The following RAPGEF2 variants were observed in gnomAD, a reference collection of about 807,000 sequenced individuals.
RAPGEF2 encodes the protein PDZ domain containing guanine nucleotide exchange factor (GEF) 1.
RAPGEF2 carries 54 observed loss-of-function variants against 186.7 expected under a neutral mutation model. That is an observed-to-expected ratio of 0.29 (90% confidence interval 0.23 to 0.36). RAPGEF2 has a LOEUF of 0.36. Among genes scored for constraint, RAPGEF2 ranks in the 10% least tolerant of loss-of-function variants. The probability of loss-of-function intolerance (pLI) is 1.00; values close to 1 mark genes in which losing one functional copy is unlikely to be tolerated. For missense variants in RAPGEF2, 1,532 were observed against 2,045.0 expected, an observed-to-expected ratio of 0.75 and a Z score of 4.84; for synonymous variants, 712 against 705.9, an observed-to-expected ratio of 1.01 and a Z score of -0.14.
intron 7 of RAPGEF2, among the ~76,000 whole-genome samples, chr4:159,260,799 A>C (rs868376681): frequency 1.1e-4 from 17 of 152,136 alleles, no homozygotes; most frequent in African/African-American, 3.4e-4. Context: ...CCCAGGCTGG[A>C]GTGCAATGGC....
At chr4:159,191,035 G>A (rs1274734284) in intron 2 of RAPGEF2, among the ~76,000 whole-genome samples, 1 of 152,188 alleles carries the variant, frequency 6.6e-6, no homozygotes, top group East Asian at 1.9e-4. Context: ...GCCGTGATGA[G>A]AGATCAGGTC....
intron 4 of RAPGEF2, among the ~76,000 whole-genome samples, chr4:159,211,718 C>T (rs1056381240): frequency 1.3e-5 from 2 of 152,176 alleles, no homozygotes; most frequent in Non-Finnish European, 2.9e-5. Flanking sequence ...GCCAGAGGCA[C>T]GTTGCATTTA....
intron 7 of RAPGEF2, among the ~76,000 whole-genome samples, chr4:159,269,614 C>G (rs1757857082): frequency 6.6e-6 from 1 of 152,106 alleles, no homozygotes; most frequent in Non-Finnish European, 1.5e-5. Flanking sequence ...AAAAATTAAA[C>G]CCCAGGCTTT....
chr4:159,214,910 T>G, intron 4 of RAPGEF2, among the ~76,000 whole-genome samples: 1 of 152,362 alleles, frequency 6.6e-6, no homozygotes, highest in Non-Finnish European at 1.5e-5. Flanking sequence ...TTGTCCAGGC[T>G]GGAGTGTAGT....
intron 7 of RAPGEF2, among the ~76,000 whole-genome samples, chr4:159,287,848 T>C (rs77344495): frequency 0.025 from 3,848 of 152,270 alleles, 70 homozygotes; most frequent in Non-Finnish European, 0.037. Flanking sequence ...TCTCTTGATA[T>C]CGGTTCCTAC....
At chr4:159,253,840 C>T (rs1201108239) in intron 7 of RAPGEF2, among the ~76,000 whole-genome samples, 1 of 151,822 alleles carries the variant, frequency 6.6e-6, no homozygotes, top group African/African-American at 2.4e-5. Flanking sequence ...TGGTGGTGGG[C>T]GCCTGTAGTC....
At position 159,288,096 on chromosome 4, in the gene RAPGEF2, T is replaced by TA. The variant is rs1760741340; in HGVS notation, c.544-16243dup. Among the ~76,000 whole-genome samples the TA allele has an allele frequency of 2.6e-5, 4 of 152,354 alleles. No individual in the cohort carries two copies. The South Asian group carries it at 8.3e-4, about 32-fold the overall frequency. The stretch of plus-strand genomic sequence containing the variant: ...AGAATTTAAAATTATTTTCTTGAGT[T>TA]AAACAGCCATCTTGGAACTAGCCAT... On this transcript the variant is annotated intron_variant, in intron 7 of 29. Transcript: ENST00000691494.
chr4:159,128,781 TAAA>T (rs539795465), intron 1 of RAPGEF2: 1,516 of 150,198 alleles, frequency 0.01, 28 homozygotes, highest in African/African-American at 0.034. Context: ...TTTATTTAAA[TAAA>T]GAAGCTGAAC....
intron 25 of RAPGEF2, among the ~76,000 whole-genome samples, chr4:159,348,238 AGATAGATGGATGGATG>A (rs1456721486): frequency 0.023 from 2,852 of 126,034 alleles, 84 homozygotes; most frequent in African/African-American, 0.071. Flanking sequence ...ATAGATAGAT[AGATAGATGGATGGATG>A]GATGGATGGA....
At chr4:159,110,985 C>T (rs188963582) in intron 1 of RAPGEF2, among the ~76,000 whole-genome samples, 1 of 151,754 alleles carries the variant, frequency 6.6e-6, no homozygotes, top group East Asian at 1.9e-4. Flanking sequence ...TTTATTGCCG[C>T]ATTATTTTGA....
intron 7 of RAPGEF2, among the ~76,000 whole-genome samples, chr4:159,252,365 C>G (rs1755560736): frequency 6.6e-6 from 1 of 152,136 alleles, no homozygotes; most frequent in Non-Finnish European, 1.5e-5. Flanking sequence ...AAAATTTAAA[C>G]TGAACCTTTA....
intron 9 of RAPGEF2, 53 bp from the exon 10 acceptor site, chr4:159,322,294 C>A: frequency 6.5e-7 from 1 of 1,547,304 alleles, no homozygotes. Flanking sequence ...TTTTTGAATA[C>A]TTGTTTTTAA....
chr4:159,340,818 T>G (rs2111259396), intron 19 of RAPGEF2, among the ~76,000 whole-genome samples: 1 of 148,634 alleles, frequency 6.7e-6, no homozygotes, highest in South Asian at 2.1e-4. Flanking sequence ...CACACACGTG[T>G]GCGTGCAACA....
chr4:159,224,548 A>G lies in RAPGEF2; in HGVS notation c.281+13965A>G, dbSNP rs115159186. On this transcript the variant is annotated intron_variant, in intron 4 of 29. Transcript: ENST00000691494. ...AGTTATTAGATTTGCCTGGCTTAGG[A>G]TGGGCAAAGTACTGAGTCCCACGCC... Among the ~76,000 whole-genome samples the G allele has an allele frequency of 6.1e-3, 936 of 152,286 alleles. 9 individuals carry two copies. The highest frequency in any genetic ancestry group is 0.022 in the African/African-American group (894 of 41,544).
chr4:159,345,292 G>A lies in RAPGEF2; in HGVS notation c.3465G>A (p.Gln1155=), dbSNP rs1413906263. Residue 1155 remains glutamine, a synonymous_variant, in exon 24 of 30, where the codon CAG becomes CAA. Coordinates refer to ENST00000691494, the MANE Select transcript of RAPGEF2 (RefSeq NM_001394067.2). The stretch of plus-strand genomic sequence containing the variant: ...TAGAAATGGACGAGGAGAGTCTTCA[G>A]ACATTATCTCTGCAGTGTGAGCCAG... ...LELEMDEESL[Q]TLSLQCEPAT... The A allele has an allele frequency of 6.2e-7, 1 of 1,614,018 alleles. No individual in the cohort carries two copies. Among genetic ancestry groups the A allele is most frequent in the Non-Finnish European group, 8.5e-7 (1 of 1,180,030 alleles).
chr4:159,301,224 T>G (rs1407292782), intron 7 of RAPGEF2, among the ~76,000 whole-genome samples: 1 of 151,760 alleles, frequency 6.6e-6, no homozygotes, highest in Non-Finnish European at 1.5e-5. Flanking sequence ...AAAAGAAAAA[T>G]TAGCCGGGGT....
chr4:159,263,921 AC>A (rs1757153809), intron 7 of RAPGEF2, among the ~76,000 whole-genome samples: 1 of 152,104 alleles, frequency 6.6e-6, no homozygotes, highest in Non-Finnish European at 1.5e-5. Flanking sequence ...GAGTGTTGTT[AC>A]TGATAATTTG....
intron 7 of RAPGEF2, among the ~76,000 whole-genome samples, chr4:159,297,154 A>G (rs943007700): frequency 1.3e-5 from 2 of 152,208 alleles, no homozygotes; most frequent in African/African-American, 4.8e-5. Flanking sequence ...TATAAGCCAC[A>G]TCTTATCAAG....
At chr4:159,261,009 C>T (rs761724159) in intron 7 of RAPGEF2, among the ~76,000 whole-genome samples, 5 of 152,136 alleles carry the variant, frequency 3.3e-5, no homozygotes, top group Admixed American at 6.5e-5. Context: ...CTCGCCTTGG[C>T]CTCCCAAAGT....
Sources: gnomAD v4.1 joint callset for allele counts (sites outside exome capture counted in the v4.1 genomes callset) on GRCh38, gnomAD v4.1.1 for gene constraint, MANE v1.5 for transcripts, NCBI Gene and HGNC (gene_info 2026-07-23, HGNC 2026-07-21) for gene names.